SEC14L3: variants seen among roughly 807,000 people sequenced by gnomAD.
SEC14L3 encodes the protein SEC14 like lipid binding 3.
In SEC14L3, 56 loss-of-function variants were observed where a neutral mutation model predicts 57.4. That is an observed-to-expected ratio of 0.97 (90% CI 0.79 to 1.22). The LOEUF is 1.22. Ranked by LOEUF, SEC14L3 falls within the 50% of genes most tolerant of loss-of-function variation. The pLI is 0.00. For synonymous variants in SEC14L3, 173 were observed against 194.4 expected (o/e 0.89, Z 0.92); for missense variants, 485 against 511.7 (o/e 0.95, Z 0.50).
chr22:30,468,915 C>G, intron 4 of SEC14L3: 3 of 1,496,402 alleles, frequency 2.0e-6, no homozygotes, highest in Non-Finnish European at 2.7e-6. Context: ...TCAGCAGGCC[C>G]TTGGACTTCT....
chr22:30,469,032 C>T (rs1935518569), intron 4 of SEC14L3: 7 of 1,276,790 alleles, frequency 5.5e-6, no homozygotes, highest in Non-Finnish European at 7.2e-6. Flanking sequence ...CAAAAACAGA[C>T]ACTGGCTGGG....
Position 30,467,056 on chromosome 22 carries a change from T to C in SEC14L3, c.445A>G (p.Ile149Val), listed in dbSNP as rs757722773. The C allele has an allele frequency of 6.2e-7, 1 of 1,614,004 alleles. No homozygotes were observed. Among genetic ancestry groups the C allele is most frequent in the Non-Finnish European group, 8.5e-7 (1 of 1,179,892 alleles). ...TERLGKKIETIVMIFDCEGLG... is the reference protein window; with the variant it reads ...TERLGKKIETVVMIFDCEGLG... ...CCCTCACAGTCAAATATCATCACGA[T>C]GGTCTCAATCTTCTTCCCTAGCTGC... Residue 149 changes from isoleucine to valine, a missense_variant, in exon 6 of 12, where the codon ATC (isoleucine) becomes GTC (valine). Ile to Val is a conservative substitution (Grantham distance 29). Coordinates refer to ENST00000215812, the MANE Select transcript of SEC14L3 (RefSeq NM_174975.5).
intron 12 of SEC14L3, among the ~76,000 whole-genome samples, chr22:30,451,664 G>A (rs904596236): frequency 4.6e-4 from 70 of 152,076 alleles, no homozygotes; most frequent in African/African-American, 7.0e-4. Flanking sequence ...GCCGAAACAC[G>A]GACACTCCCT....
Position 30,464,872 on chromosome 22 carries a change from G to A in SEC14L3, c.612C>T (p.Leu204=). Reference sequence around the variant, plus strand: ...TGTCCTCACTCAGGAATGGCTTCATGAGGTTGTAGCCCACAGGGAACAGTT... The same window carrying A: ...TGTCCTCACTCAGGAATGGCTTCATAAGGTTGTAGCCCACAGGGAACAGTT... ...ATKLFPVGYN[L]MKPFLSEDTR... is the part of the protein sequence containing the mutation. The change falls in exon 8 of 12, where the codon CTC becomes CTT. Residue 204 remains leucine (L), a synonymous_variant. Coordinates refer to ENST00000215812, the MANE Select transcript of SEC14L3 (RefSeq NM_174975.5). 6.2e-7 allele frequency: 1 copy of A among 1,614,016 alleles called. No individual in the cohort carries two copies. Among genetic ancestry groups the A allele is most frequent in the African/African-American group, 1.3e-5 (1 of 75,034 alleles).
chr22:30,456,862 T>C (rs1235040408), downstream of SEC14L3, among the ~76,000 whole-genome samples: 1 of 152,234 alleles, frequency 6.6e-6, no homozygotes, highest in Non-Finnish European at 1.5e-5. Flanking sequence ...TCTTACTGGC[T>C]GTGTGCACAC....
intron 12 of SEC14L3, among the ~76,000 whole-genome samples, chr22:30,449,410 A>C (rs912146053): frequency 2.6e-5 from 4 of 152,148 alleles, no homozygotes; most frequent in African/African-American, 9.7e-5. Flanking sequence ...TAACTTAATC[A>C]AGTACTTTTT....
intron 12 of SEC14L3, among the ~76,000 whole-genome samples, chr22:30,449,873 T>C (rs1292833548): frequency 1.3e-5 from 2 of 152,128 alleles, no homozygotes; most frequent in African/African-American, 4.8e-5. Flanking sequence ...CCCCAATCTG[T>C]CCCTGTTGTA....
intron 9 of SEC14L3, 135 bp downstream of exon 9, chr22:30,461,951 C>T (rs1432407616): frequency 5.6e-6 from 6 of 1,073,418 alleles, no homozygotes; most frequent in Middle Eastern, 2.1e-4. Flanking sequence ...TCTGTAAGGG[C>T]GAGGGTTGTA....
Position 30,468,521 on chromosome 22 carries a change from A to G in SEC14L3, c.410T>C (p.Leu137Pro). Reference protein sequence around the residue: ...DCERILHECDLQTERLGKKIE... With the variant: ...DCERILHECDPQTERLGKKIE... ...CCTGGACCTCACCCTCTCTGTCTGC[A>G]GGTCACACTCATGCAGGATGCGCTC... The change falls in exon 5 of 12, where the codon CTG (leucine) becomes CCG (proline). Residue 137 changes from leucine (L) to proline (P), a missense_variant. By Grantham distance (98) the Leu-to-Pro change is moderately conservative. Transcript: ENST00000215812. 1 of 1,611,720 alleles carries G rather than the reference A, an allele frequency of 6.2e-7. No homozygotes were observed. Among genetic ancestry groups the G allele is most frequent in the Non-Finnish European group, 8.5e-7 (1 of 1,178,338 alleles).
downstream of SEC14L3, among the ~76,000 whole-genome samples, chr22:30,454,555 TATA>T (rs377711428): frequency 2.2e-3 from 89 of 39,836 alleles, 4 homozygotes; most frequent in African/African-American, 0.012. Flanking sequence ...ATATATAATC[TATA>T]ATAATATTAT....
At chr22:30,469,054 A>C in intron 4 of SEC14L3, 1 of 1,048,136 alleles carries the variant, frequency 9.5e-7, no homozygotes, top group Non-Finnish European at 1.3e-6. Flanking sequence ...ATGGAGGCTC[A>C]TGCCTGTAAT....
rs1935203041 is a variant in SEC14L3, at chr22:30,460,075, G to A, written c.1149C>T (p.Val383=). 3 of 1,614,166 alleles carry A rather than the reference G, an allele frequency of 1.9e-6. No homozygotes were observed. Among genetic ancestry groups the A allele is most frequent in the Non-Finnish European group, 2.5e-6 (3 of 1,180,016 alleles). The change falls in exon 12 of 12, where the codon GTC becomes GTT. Residue 383 remains valine, a synonymous_variant. Transcript: ENST00000215812. ...TCTGCATGCCCTCGTCAGGGAGCAG[G>A]ACCTCCACTGTGAAGCTGACCTTCT... ...HAKKVSFTVE[V]LLPDEGMQKY...
At position 30,464,904 on chromosome 22, in the gene SEC14L3, C is replaced by T; in HGVS notation, c.581-1G>A. Reference sequence around the variant, plus strand: ...TAGCCCACAGGGAACAGTTTGGTAGCTGGAGAGATAGAAGTAAGGATAATG... The same window carrying T: ...TAGCCCACAGGGAACAGTTTGGTAGTTGGAGAGATAGAAGTAAGGATAATG... On this transcript the variant is annotated splice_acceptor_variant, in intron 7 of 11. Transcript: ENST00000215812. LOFTEE classifies it high-confidence loss of function. 6.2e-7 allele frequency: 1 copy of T among 1,613,812 alleles called. No homozygotes were observed. Among genetic ancestry groups the T allele is most frequent in the Non-Finnish European group, 8.5e-7 (1 of 1,179,732 alleles).
chr22:30,456,494 C>T (rs1250823352), downstream of SEC14L3, among the ~76,000 whole-genome samples: 5 of 151,918 alleles, frequency 3.3e-5, no homozygotes, highest in East Asian at 3.9e-4. Context: ...GGGGAGCCAG[C>T]GTGTCACATG....
At chr22:30,453,050 A>G (rs375717926) in intron 12 of SEC14L3, among the ~76,000 whole-genome samples, 5 of 152,196 alleles carry the variant, frequency 3.3e-5, no homozygotes, top group East Asian at 3.9e-4. Context: ...CAAGAGCCCA[A>G]TTAGTATTGG....
chr22:30,453,673 G>A (rs1182782222), intron 12 of SEC14L3, among the ~76,000 whole-genome samples: 3 of 152,142 alleles, frequency 2.0e-5, no homozygotes, highest in East Asian at 1.9e-4. Context: ...TCGGCCTCCC[G>A]AAGTGCTGGG....
In SEC14L3 at chr22:30,461,449, G is replaced by A. The variant is rs768942126; in HGVS notation, c.942C>T (p.Ile314=). ...RWQFSSDGAD[I]GFGVFLKTKM... is the part of the protein sequence containing the mutation. The stretch of plus-strand genomic sequence containing the variant: ...TGGTCTTCAGGAAAACTCCGAAGCC[G>A]ATGTCCGCACCATCAGATGAGAACT... Residue 314 remains isoleucine, a synonymous_variant, in exon 11 of 12, where the codon ATC becomes ATT. Transcript: ENST00000215812. 2.4e-5 allele frequency: 38 copies of A among 1,613,768 alleles called. No homozygotes were observed. The highest frequency in any genetic ancestry group is 4.0e-5 in the African/African-American group (3 of 74,900).
rs1232343860 is a variant in SEC14L3 at position 30,470,088 on chromosome 22, A to T, written c.175-10T>A. 2 of 1,604,552 alleles carry T rather than the reference A, an allele frequency of 1.2e-6. No individual in the cohort carries two copies. Among genetic ancestry groups the T allele is most frequent in the Non-Finnish European group, 1.7e-6 (2 of 1,174,604 alleles). On this transcript the variant is annotated splice_polypyrimidine_tract_variant and intron_variant, in intron 3 of 11. Coordinates refer to ENST00000215812, the MANE Select transcript of SEC14L3 (RefSeq NM_174975.5). ...TCCGGAACTCCATGTACTGAAAGGG[A>T]AATGAGTGGTAAGATCCCACTGGGC... is the stretch of plus-strand genomic sequence containing the variant.
chr22:30,468,008 C>T (rs934380484), intron 5 of SEC14L3, among the ~76,000 whole-genome samples: 4 of 152,150 alleles, frequency 2.6e-5, no homozygotes, highest in Non-Finnish European at 5.9e-5. Flanking sequence ...CGGCCTGGTA[C>T]GGTGGCTCAC....
Sources: allele counts gnomAD v4.1 joint callset (sites outside exome capture counted in the v4.1 genomes callset), GRCh38; gene constraint gnomAD v4.1.1; transcripts MANE v1.5; gene names NCBI Gene and HGNC (gene_info 2026-07-23, HGNC 2026-07-21).